Variants in ZNF469 observed in about 807,000 individuals in gnomAD.
ZNF469 encodes zinc finger protein 469.
Under a neutral mutation model 1.0 loss-of-function variants are expected in ZNF469, and 1 was observed. The ratio of observed to expected loss-of-function variants is 1.00; its 90% confidence interval spans 0.35 to 4.73. The LOEUF (loss-of-function observed/expected upper bound fraction) is 4.73, where lower values mean the gene tolerates loss of function less well. Ranked by LOEUF, ZNF469 falls within the 30% of genes most tolerant of loss-of-function variation. The pLI, the probability that ZNF469 is intolerant of heterozygous loss-of-function variation, is 0.16. For missense variants in ZNF469, 6,100 were observed against 5,356.3 expected (o/e 1.14, Z -4.33); for synonymous variants, 2,703 against 2,363.4 (o/e 1.14, Z -4.17).
chr16:88,149,622 G>A, the ZNF469 span, among the ~76,000 whole-genome samples: 1 of 152,148 alleles, frequency 6.6e-6, no homozygotes, highest in Non-Finnish European at 1.5e-5. Flanking sequence ...TTGTACCATG[G>A]TCTCACCACT....
intron 1 of ZNF469, among the ~76,000 whole-genome samples, chr16:88,422,690 G>A (rs189038573): frequency 6.7e-6 from 1 of 149,120 alleles, no homozygotes; most frequent in South Asian, 2.2e-4. Flanking sequence ...ACAGATGGGT[G>A]GGTGGGTGAT....
the ZNF469 span, among the ~76,000 whole-genome samples, chr16:88,214,257 T>C: frequency 6.6e-6 from 1 of 152,234 alleles, no homozygotes; most frequent in Non-Finnish European, 1.5e-5. Context: ...CCAGGGGTTT[T>C]CCGGTGATGA....
At chr16:88,393,226 C>T (rs1567499051) in intron 1 of ZNF469, among the ~76,000 whole-genome samples, 1 of 152,276 alleles carries the variant, frequency 6.6e-6, no homozygotes, top group African/African-American at 2.4e-5. Context: ...GAAGAAAAGC[C>T]GCCAGCGGCC....
the ZNF469 span, among the ~76,000 whole-genome samples, chr16:88,259,577 T>G: frequency 2.2e-3 from 334 of 152,272 alleles, 2 homozygotes; most frequent in African/African-American, 7.7e-3. This position sits in a 1 kb window ranked among gnomAD's most constrained non-coding sequence, Gnocchi z 4.1. Context: ...GCCTCCAAAC[T>G]TAGGGGTTCC....
chr16:88,149,311 C>T, the ZNF469 span, among the ~76,000 whole-genome samples: 1 of 152,188 alleles, frequency 6.6e-6, no homozygotes, highest in African/African-American at 2.4e-5. Flanking sequence ...AGATAATTCC[C>T]CTGGTGAGTG....
chr16:88,430,956 C>T lies in ZNF469; in HGVS notation c.3486C>T (p.Arg1162=), dbSNP rs1406815932. The change falls in exon 3 of 3, where the codon CGC becomes CGT. Residue 1162 remains arginine, a synonymous_variant. Coordinates refer to ENST00000565624, the MANE Select transcript of ZNF469 (RefSeq NM_001367624.2). ...PANPEEPGGS[R]PGPGRSPQAR... is the part of the protein sequence containing the mutation. ...ACCCCGAGGAGCCGGGCGGGTCTCG[C>T]CCGGGCCCCGGCAGGAGCCCTCAGG... 5 of 1,535,820 alleles carry T rather than the reference C, an allele frequency of 3.3e-6. No homozygotes were observed. The African/African-American group carries it at 5.5e-5, about 17-fold the overall frequency.
At chr16:88,247,505 G>GGAATGAGTGAGTGAGT in the ZNF469 span, among the ~76,000 whole-genome samples, 34,230 of 144,070 alleles carry the variant, frequency 0.24, 5,213 homozygotes, top group Non-Finnish European at 0.35. Context: ...AGTGAGTGAG[G>GGAATGAGTGAGTGAGT]GAATGAGTGA....
chr16:88,198,921 C>T, the ZNF469 span, among the ~76,000 whole-genome samples: 2 of 152,332 alleles, frequency 1.3e-5, no homozygotes, highest in African/African-American at 2.4e-5. Flanking sequence ...GAGGCGAGGG[C>T]CCCTGGCAAC....
chr16:88,211,903 C>T, the ZNF469 span, among the ~76,000 whole-genome samples: 1 of 152,220 alleles, frequency 6.6e-6, no homozygotes, highest in Admixed American at 6.5e-5. Context: ...CACCCATGTG[C>T]AGCACCCTCC....
At chr16:88,147,922 T>C in the ZNF469 span, among the ~76,000 whole-genome samples, 1 of 152,140 alleles carries the variant, frequency 6.6e-6, no homozygotes, top group Non-Finnish European at 1.5e-5. Flanking sequence ...CGGCAGTGAT[T>C]GTGGCTTCCT....
the ZNF469 span, among the ~76,000 whole-genome samples, chr16:88,332,034 G>A: frequency 6.6e-6 from 1 of 152,200 alleles, no homozygotes; most frequent in African/African-American, 2.4e-5. Context: ...GTCTCCGCAT[G>A]GCCCTTGGCA....
chr16:88,339,794 G>T, the ZNF469 span, among the ~76,000 whole-genome samples: 1 of 88,454 alleles, frequency 1.1e-5, no homozygotes, highest in Non-Finnish European at 2.3e-5. Flanking sequence ...GCAGGGGGAT[G>T]GGGGGACATG....
rs964458464 is a variant in ZNF469 at position 88,437,241 on chromosome 16, G to A, written c.9771G>A (p.Gly3257=). Residue 3257 remains glycine, a synonymous_variant, in exon 3 of 3, where the codon GGG becomes GGA. Transcript: ENST00000565624. ...KAAGSPGDPW[G]QEGEAKKDSP... is the part of the protein sequence containing the mutation. ...CCGGGAGCCCGGGAGACCCGTGGGGGCAAGAGGGAGAAGCCAAGAAAGACA... is the reference window on the plus strand; with the variant it reads ...CCGGGAGCCCGGGAGACCCGTGGGGACAAGAGGGAGAAGCCAAGAAAGACA... 1.6e-5 allele frequency: 25 copies of A among 1,549,016 alleles called. No homozygotes were observed. In the East Asian group the frequency reaches 2.4e-4, roughly 15 times the overall value.
the ZNF469 span, among the ~76,000 whole-genome samples, chr16:88,291,030 G>A: frequency 3.9e-5 from 6 of 152,134 alleles, no homozygotes; most frequent in African/African-American, 1.2e-4. Context: ...GGGAAGTCTC[G>A]CTGAGTGACT....
chr16:88,212,841 C>T, the ZNF469 span, among the ~76,000 whole-genome samples: 1 of 152,202 alleles, frequency 6.6e-6, no homozygotes, highest in Admixed American at 6.5e-5. Context: ...GCATTGGCCT[C>T]ACAAAGTGCT....
the ZNF469 span, among the ~76,000 whole-genome samples, chr16:88,220,197 G>A: frequency 1.3e-5 from 2 of 152,114 alleles, no homozygotes; most frequent in African/African-American, 4.8e-5. Context: ...CTGCATGCTG[G>A]CCTCATTCCC....
At chr16:88,377,688 CAGCCCTCCCTCCTCT>C in the ZNF469 span, among the ~76,000 whole-genome samples, 7 of 152,088 alleles carry the variant, frequency 4.6e-5, no homozygotes, top group African/African-American at 1.7e-4. Context: ...CTCCCTCCTC[CAGCCCTCCCTCCTCT>C]CTCCCACTCA....
the ZNF469 span, among the ~76,000 whole-genome samples, chr16:88,355,488 C>T: frequency 5.3e-5 from 8 of 152,222 alleles, no homozygotes; most frequent in Non-Finnish European, 8.8e-5. Context: ...GAAACGTGAG[C>T]GTGGCGTCGG....
rs1906714807 is a variant in ZNF469, at chr16:88,437,920, C to G, written c.10450C>G (p.Pro3484Ala). Residue 3484 changes from proline (P) to alanine (A), a missense_variant, in exon 3 of 3, where the codon CCT becomes GCT. Physicochemically the swap from Pro to Ala is conservative, Grantham distance 27. Transcript: ENST00000565624. Reference sequence around the variant, plus strand: ...CAGGGTGGCCATGCCCGGCAGTGCCCCTGGGCCCGGCGAGGACAGGCCTCC... The same window carrying G: ...CAGGGTGGCCATGCCCGGCAGTGCCGCTGGGCCCGGCGAGGACAGGCCTCC... The part of the protein sequence containing the change: ...RRRVAMPGSA[P>A]GPGEDRPPPR... The G allele has an allele frequency of 6.5e-7, 1 of 1,540,814 alleles. No individual in the cohort carries two copies. Among genetic ancestry groups the G allele is most frequent in the Non-Finnish European group, 8.8e-7 (1 of 1,142,078 alleles).
Sources: gnomAD v4.1 joint callset for allele counts (sites outside exome capture counted in the v4.1 genomes callset) on GRCh38, gnomAD v4.1.1 for gene constraint, Gnocchi (gnomAD v3.1) non-coding constraint, MANE v1.5 for transcripts, NCBI Gene and HGNC (gene_info 2026-07-23, HGNC 2026-07-21) for gene names.